PARD3: variants seen among roughly 807,000 people sequenced by gnomAD.
The protein encoded by PARD3 is partitioning defective 3 homolog.
A neutral mutation model predicts 155.4 loss-of-function variants in PARD3; 75 were observed. The ratio of observed to expected loss-of-function variants is 0.48; its 90% CI spans 0.40 to 0.58. The LOEUF (loss-of-function observed/expected upper bound fraction) is 0.58. Ranked by LOEUF, PARD3 falls within the 20% of genes least tolerant of loss-of-function variation. The pLI is 0.00. For synonymous variants in PARD3, 576 were observed against 610.5 expected (o/e 0.94, Z 0.83); for missense variants, 1,642 against 1,721.7 (o/e 0.95, Z 0.82).
chr10:34,642,171 T>A (rs1433365157), intron 2 of PARD3, among the ~76,000 whole-genome samples: 1 of 148,754 alleles, frequency 6.7e-6, no homozygotes, highest in Non-Finnish European at 1.5e-5. Flanking sequence ...ATGGCCCCCA[T>A]GCACACAGTC....
Position 34,522,401 on chromosome 10 carries a change from T to C in PARD3, c.223-5242A>G, listed in dbSNP as rs139736060. On this transcript the variant is annotated intron_variant, in intron 2 of 24. Coordinates refer to ENST00000374788, the MANE Select transcript of PARD3 (RefSeq NM_001184785.2). ...CATGTCAGCCTTCTACCAAGCAGAA[T>C]TGCCAGGTAATGAATTTGCATTGTT... Among the ~76,000 whole-genome samples, 939 of 152,240 alleles carry C rather than the reference T, an allele frequency of 6.2e-3. 9 individuals are homozygous for C. The highest frequency in any genetic ancestry group is 0.022 in the African/African-American group (903 of 41,518).
intron 22 of PARD3, among the ~76,000 whole-genome samples, chr10:34,165,475 T>G (rs1229167058): frequency 6.6e-6 from 1 of 152,170 alleles, no homozygotes; most frequent in Admixed American, 6.5e-5. Context: ...TGTCTAGCAT[T>G]TTGCAAGGTG....
intron 5 of PARD3, 53 bp downstream of exon 5, chr10:34,450,264 T>C (rs1164306748): frequency 5.9e-6 from 9 of 1,526,658 alleles, no homozygotes; most frequent in African/African-American, 5.6e-5. Context: ...ATCTTTGGGG[T>C]ATGGGACAGG....
At chr10:34,371,351 AG>A (rs2134626070) in intron 12 of PARD3, among the ~76,000 whole-genome samples, 1 of 151,824 alleles carries the variant, frequency 6.6e-6, no homozygotes, top group South Asian at 2.1e-4. Context: ...AATATTCTCA[AG>A]GTTGTTTACT....
intron 1 of PARD3, among the ~76,000 whole-genome samples, chr10:34,776,097 T>C (rs990661460): frequency 6.6e-6 from 1 of 152,160 alleles, no homozygotes; most frequent in African/African-American, 2.4e-5. Context: ...AGGCTCATGG[T>C]TGAAATTTTG....
chr10:34,552,915 C>G (rs765336431), intron 2 of PARD3, among the ~76,000 whole-genome samples: 25 of 151,994 alleles, frequency 1.6e-4, no homozygotes, highest in Non-Finnish European at 3.2e-4. Flanking sequence ...ACTTTTGCAC[C>G]AACCTAATAT....
rs1224194685 is a variant in PARD3 at position 34,370,977 on chromosome 10, ACTAATTTGAAGTG to A, written c.1707+1508_1707+1520del. On this transcript the variant is annotated intron_variant, in intron 12 of 24. Transcript: ENST00000374788. ...CTACGTAAACTATCCTTTTAAAGCT[ACTAATTTGAAGTG>A]CCATCTTTAACACACATGCACATAC... Among the ~76,000 whole-genome samples, 3 of 152,242 alleles carry A rather than the reference ACTAATTTGAAGTG, an allele frequency of 2.0e-5. No individual in the cohort carries two copies. The East Asian group carries it at 5.8e-4, about 29-fold the overall frequency.
intron 19 of PARD3, 112 bp downstream of exon 19, chr10:34,331,005 G>T: frequency 1.4e-6 from 1 of 716,172 alleles, no homozygotes; most frequent in Non-Finnish European, 2.4e-6. Flanking sequence ...AGACCTCAGA[G>T]ATCTCAGAGA....
At chr10:34,410,149 C>T (rs942010130) in intron 5 of PARD3, among the ~76,000 whole-genome samples, 3 of 152,114 alleles carry the variant, frequency 2.0e-5, no homozygotes, top group Non-Finnish European at 2.9e-5. Context: ...AATTTGGTAA[C>T]ATATTTGTTT....
rs150348437 is a variant in PARD3, at chr10:34,359,527, T to C, written c.1897-210A>G. On this transcript the variant is annotated intron_variant, in intron 13 of 24. Transcript: ENST00000374788. ...GTGTCTATTTCAATCATTTATACAT[T>C]TGTAAATCAAGTCATTATCATAATC... Among the ~76,000 whole-genome samples, 13 of 152,318 alleles carry C rather than the reference T, an allele frequency of 8.5e-5. No individual in the cohort carries two copies. In the East Asian group the frequency reaches 2.5e-3, roughly 29 times the overall value.
intron 20 of PARD3, among the ~76,000 whole-genome samples, chr10:34,298,474 C>T (rs1957010823): frequency 6.6e-6 from 1 of 152,156 alleles, no homozygotes; most frequent in African/African-American, 2.4e-5. Flanking sequence ...GGACATTATA[C>T]TAAGTGAAAT....
At chr10:34,232,238 C>T (rs963109799) in intron 22 of PARD3, among the ~76,000 whole-genome samples, 6 of 152,068 alleles carry the variant, frequency 3.9e-5, no homozygotes, top group Admixed American at 1.3e-4. Flanking sequence ...ATAAAACTCA[C>T]AAAATGTTTC....
intron 5 of PARD3, among the ~76,000 whole-genome samples, chr10:34,437,889 C>T (rs2076267875): frequency 6.6e-6 from 1 of 152,124 alleles, no homozygotes; most frequent in South Asian, 2.1e-4. Flanking sequence ...GATAATTAAA[C>T]ATCTTAAATA....
chr10:34,322,099 C>T (rs1394059552), intron 19 of PARD3, among the ~76,000 whole-genome samples: 2 of 152,070 alleles, frequency 1.3e-5, no homozygotes, highest in East Asian at 1.9e-4. Flanking sequence ...GGGGTGAATT[C>T]ATTATTAAGT....
chr10:34,121,345 C>A (rs889734213), intron 23 of PARD3, among the ~76,000 whole-genome samples: 4 of 152,206 alleles, frequency 2.6e-5, no homozygotes, highest in Non-Finnish European at 4.4e-5. Context: ...CAGCAGTAGG[C>A]CCCTTAAGTG....
chr10:34,118,493 T>G (rs976258645), intron 24 of PARD3, among the ~76,000 whole-genome samples: 1 of 152,130 alleles, frequency 6.6e-6, no homozygotes, highest in Non-Finnish European at 1.5e-5. Flanking sequence ...TACAGGCATG[T>G]GCCACCAAGC....
chr10:34,297,940 T>C (rs974069783), intron 20 of PARD3, among the ~76,000 whole-genome samples: 8 of 152,328 alleles, frequency 5.3e-5, no homozygotes, highest in East Asian at 3.9e-4. Flanking sequence ...TAAAAGACAG[T>C]AGTTAAGAGC....
At chr10:34,628,752 T>C (rs534025854) in intron 2 of PARD3, among the ~76,000 whole-genome samples, 1 of 152,236 alleles carries the variant, frequency 6.6e-6, no homozygotes, top group African/African-American at 2.4e-5. Context: ...TTTGGAGCAA[T>C]ATAATTTTAG....
intron 22 of PARD3, among the ~76,000 whole-genome samples, chr10:34,193,199 T>G (rs1389800149): frequency 6.6e-6 from 1 of 152,246 alleles, no homozygotes; most frequent in Non-Finnish European, 1.5e-5. Flanking sequence ...TTATGCATTT[T>G]ACACTTCTAA....
Sources: gnomAD v4.1 joint callset for allele counts (sites outside exome capture counted in the v4.1 genomes callset) on GRCh38, gnomAD v4.1.1 for gene constraint, MANE v1.5 for transcripts, NCBI Gene and HGNC (gene_info 2026-07-23, HGNC 2026-07-21) for gene names.